Variants in THSD4 observed in about 807,000 individuals in gnomAD.
THSD4 encodes thrombospondin type-1 domain-containing protein 4.
Under a neutral mutation model 119.0 loss-of-function variants are expected in THSD4, and 69 were observed. The observed-to-expected ratio is 0.58, with a 90% CI of 0.48 to 0.71. The LOEUF is 0.71. Among genes scored for constraint, THSD4 ranks in the 30% least tolerant of loss-of-function variants. The pLI is 0.00. For missense variants in THSD4, 1,393 were observed against 1,391.1 expected, an observed-to-expected ratio of 1.00 and a Z score of -0.02; for synonymous variants, 524 against 540.4, an observed-to-expected ratio of 0.97 and a Z score of 0.42.
At chr15:71,576,791 A>G (rs2049455358) in intron 7 of THSD4, among the ~76,000 whole-genome samples, 1 of 152,178 alleles carries the variant, frequency 6.6e-6, no homozygotes, top group Non-Finnish European at 1.5e-5. Context: ...AGATAAAAAG[A>G]TAACATGTTA....
intron 7 of THSD4, among the ~76,000 whole-genome samples, chr15:71,649,175 G>T (rs2140977258): frequency 6.6e-6 from 1 of 152,248 alleles, no homozygotes; most frequent in Admixed American, 6.5e-5. Flanking sequence ...CCATCTCCTA[G>T]TTTCTCCTCT....
intron 7 of THSD4, among the ~76,000 whole-genome samples, chr15:71,458,121 T>G (rs1430324563): frequency 1.3e-5 from 2 of 152,266 alleles, no homozygotes; most frequent in African/African-American, 4.8e-5. Flanking sequence ...TATATGTATA[T>G]GCATTGGTTT....
chr15:71,392,511 C>G (rs2046391099), intron 6 of THSD4, among the ~76,000 whole-genome samples: 1 of 152,324 alleles, frequency 6.6e-6, no homozygotes, highest in East Asian at 1.9e-4. Flanking sequence ...TCCTCTTTCT[C>G]TTTTACTTGT....
intron 6 of THSD4, among the ~76,000 whole-genome samples, chr15:71,275,959 G>A (rs2044585016): frequency 6.6e-6 from 1 of 152,188 alleles, no homozygotes; most frequent in African/African-American, 2.4e-5. Flanking sequence ...ACCCAGTCTA[G>A]CGTAAGTTTC....
chr15:71,122,195 G>A (rs567940577), intron 1 of THSD4, among the ~76,000 whole-genome samples: 23 of 152,208 alleles, frequency 1.5e-4, no homozygotes, highest in Admixed American at 4.6e-4. Flanking sequence ...GCTAAGCGGG[G>A]AGGAGCTGCC....
intron 7 of THSD4, among the ~76,000 whole-genome samples, chr15:71,557,472 G>A (rs1485414593): frequency 6.6e-6 from 1 of 151,862 alleles, no homozygotes; most frequent in East Asian, 1.9e-4. Flanking sequence ...TTGCTATAAG[G>A]CTATACCAGT....
At chr15:71,125,151 A>G (rs1206092647) in intron 1 of THSD4, among the ~76,000 whole-genome samples, 1 of 152,128 alleles carries the variant, frequency 6.6e-6, no homozygotes, top group Non-Finnish European at 1.5e-5. Flanking sequence ...AGGGAAAGGA[A>G]AAGAAAAGAG....
chr15:71,353,828 G>A (rs546832097), intron 6 of THSD4, among the ~76,000 whole-genome samples: 2 of 152,220 alleles, frequency 1.3e-5, no homozygotes, highest in Non-Finnish European at 2.9e-5. Flanking sequence ...GCCATTTGCT[G>A]TTCGTGTGAC....
chr15:71,763,359 C>T (rs916453724), intron 15 of THSD4, among the ~76,000 whole-genome samples: 6 of 145,648 alleles, frequency 4.1e-5, no homozygotes, highest in African/African-American at 8.4e-5. Flanking sequence ...TAAAGGTAGT[C>T]GATTCTTTAA....
At chr15:71,571,598 C>A (rs2049359489) in intron 7 of THSD4, among the ~76,000 whole-genome samples, 1 of 152,194 alleles carries the variant, frequency 6.6e-6, no homozygotes, top group Non-Finnish European at 1.5e-5. Context: ...CTGTATTTAG[C>A]CCCTAGAACA....
intron 7 of THSD4, among the ~76,000 whole-genome samples, chr15:71,441,835 C>G (rs1442370359): frequency 1.3e-5 from 2 of 152,138 alleles, no homozygotes; most frequent in South Asian, 2.1e-4. Context: ...GAGAGCAGTA[C>G]TGACCCCGCA....
intron 6 of THSD4, among the ~76,000 whole-genome samples, chr15:71,321,788 AG>A (rs958908547): frequency 7.4e-4 from 113 of 152,338 alleles, no homozygotes; most frequent in African/African-American, 2.5e-3. Flanking sequence ...ACTGAAAAAC[AG>A]CTGAAACAAC....
intron 3 of THSD4, among the ~76,000 whole-genome samples, chr15:71,213,451 C>T (rs967524256): frequency 6.6e-6 from 1 of 152,198 alleles, no homozygotes; most frequent in Non-Finnish European, 1.5e-5. Flanking sequence ...CCCGCCTTCA[C>T]CCTGCCCAGC....
chr15:71,269,105 C>T (rs562371790), intron 6 of THSD4, among the ~76,000 whole-genome samples: 1 of 152,240 alleles, frequency 6.6e-6, no homozygotes, highest in South Asian at 2.1e-4. Flanking sequence ...TTTATGAGGC[C>T]AGCATCATTC....
At position 71,660,583 on chromosome 15, in the gene THSD4, G is replaced by A; in HGVS notation, c.1206G>A (p.Gly402=). 3.1e-6 allele frequency: 5 copies of A among 1,614,140 alleles called. No individual in the cohort carries two copies. Among genetic ancestry groups the A allele is most frequent in the Non-Finnish European group, 4.2e-6 (5 of 1,180,032 alleles). ...CCGACAAAGTCGTGGACAAATGTGG[G>A]GTGTGTGGAGGAGACAACACGGGCT... ...LGSDKVVDKC[G]VCGGDNTGCQ... is the part of the protein sequence containing the mutation. The change falls in exon 8 of 18, where the codon GGG becomes GGA. Residue 402 remains glycine, a synonymous_variant. Coordinates refer to ENST00000261862, the MANE Select transcript of THSD4 (RefSeq NM_024817.3).
chr15:71,645,243 A>G (rs1048447006), intron 7 of THSD4, among the ~76,000 whole-genome samples: 5 of 152,176 alleles, frequency 3.3e-5, no homozygotes, highest in Non-Finnish European at 5.9e-5. Flanking sequence ...TTATAAAGGA[A>G]AGAGGCTTAA....
chr15:71,140,244 A>ATGG (rs1161816554), intron 1 of THSD4, among the ~76,000 whole-genome samples: 1 of 152,196 alleles, frequency 6.6e-6, no homozygotes, highest in African/African-American at 2.4e-5. Context: ...TACAAGAAGC[A>ATGG]TGGTGCTGGC....
intron 7 of THSD4, among the ~76,000 whole-genome samples, chr15:71,494,397 C>T (rs987178639): frequency 1.3e-5 from 2 of 152,144 alleles, no homozygotes; most frequent in African/African-American, 4.8e-5. Flanking sequence ...TCATTGTCAG[C>T]CTCTGTGTCT....
intron 7 of THSD4, among the ~76,000 whole-genome samples, chr15:71,649,459 T>C (rs1442747931): frequency 2.0e-5 from 3 of 152,060 alleles, no homozygotes; most frequent in Non-Finnish European, 4.4e-5. Flanking sequence ...ATTTTTTTAG[T>C]AGAGATGGGG....
Sources: allele counts gnomAD v4.1 joint callset (sites outside exome capture counted in the v4.1 genomes callset), GRCh38; gene constraint gnomAD v4.1.1; transcripts MANE v1.5; gene names NCBI Gene and HGNC (gene_info 2026-07-23, HGNC 2026-07-21).